Variants in DYNC2I1 observed in about 807,000 individuals in gnomAD.
DYNC2I1 encodes cytoplasmic dynein 2 intermediate chain 1.
In DYNC2I1, 89 loss-of-function variants were observed where a neutral mutation model predicts 133.4. The observed-to-expected ratio is 0.67, with a 90% CI of 0.56 to 0.80. The LOEUF (loss-of-function observed/expected upper bound fraction) is 0.80, where lower values mean the gene tolerates loss of function less well. Ranked by LOEUF, DYNC2I1 falls within the 30% of genes least tolerant of loss-of-function variation. The pLI is 0.00. For synonymous variants in DYNC2I1, 504 were observed against 484.3 expected (o/e 1.04, Z -0.54); for missense variants, 1,291 against 1,314.5 (o/e 0.98, Z 0.28).
chr7:158,856,621 T>G lies in DYNC2I1; in HGVS notation c.-115T>G. On this transcript the variant is annotated 5_prime_UTR_variant, in exon 1 of 25. Transcript: ENST00000407559. ...CCCTCTGCTGCTCCTGCTTGTCGGTTGCTAGGCGCTGGGACGCGCCTCCCG... is the reference window on the plus strand; with the variant it reads ...CCCTCTGCTGCTCCTGCTTGTCGGTGGCTAGGCGCTGGGACGCGCCTCCCG... 1 of 1,105,382 alleles carries G rather than the reference T, an allele frequency of 9.0e-7. No homozygotes were observed. The highest frequency in any genetic ancestry group is 1.1e-6 in the Non-Finnish European group (1 of 872,902). 68.5% of individuals were successfully genotyped at this position (1,105,382 alleles called of 1,614,324 possible).
chr7:158,901,307 A>G (rs1846232976), intron 8 of DYNC2I1, among the ~76,000 whole-genome samples: 2 of 152,076 alleles, frequency 1.3e-5, no homozygotes, highest in South Asian at 4.2e-4. Flanking sequence ...CCTGAGTTCA[A>G]GTAATCTGCC....
At chr7:158,949,312 G>T (rs545787283), downstream of DYNC2I1, among the ~76,000 whole-genome samples, 47 of 152,390 alleles carry the variant, frequency 3.1e-4, no homozygotes, top group African/African-American at 1.0e-3. Context: ...AGTTTATTTA[G>T]AATATCTGAG....
upstream of DYNC2I1, among the ~76,000 whole-genome samples, chr7:158,854,835 T>G (rs1357230902): frequency 3.3e-5 from 5 of 152,240 alleles, no homozygotes; most frequent in South Asian, 2.1e-4. Context: ...AGACTTAAGT[T>G]GCAGATCTAA....
chr7:158,891,747 A>C (rs1430338035), intron 8 of DYNC2I1, among the ~76,000 whole-genome samples: 2 of 152,230 alleles, frequency 1.3e-5, no homozygotes, highest in Non-Finnish European at 2.9e-5. Flanking sequence ...GAAATCACAA[A>C]AGACACGATC....
At chr7:158,955,183 G>A (rs527926269) in intron 4 of DYNC2I1, among the ~76,000 whole-genome samples, 141 of 152,356 alleles carry the variant, frequency 9.3e-4, no homozygotes, top group African/African-American at 3.2e-3. Flanking sequence ...GTTGGGGGAA[G>A]CATCCCTGGA....
chr7:158,877,204 G>A (rs914569148), intron 4 of DYNC2I1, among the ~76,000 whole-genome samples: 11 of 149,448 alleles, frequency 7.4e-5, no homozygotes, highest in Middle Eastern at 3.7e-3. Flanking sequence ...TCCGCGGTGC[G>A]GGTGTGTTGG....
chr7:158,948,675 A>T (rs1023722111), downstream of DYNC2I1, among the ~76,000 whole-genome samples: 1 of 152,146 alleles, frequency 6.6e-6, no homozygotes, highest in Non-Finnish European at 1.5e-5. Context: ...GCAGACTTTT[A>T]TTCCTGGAGG....
intron 4 of DYNC2I1, among the ~76,000 whole-genome samples, chr7:158,953,708 A>T (rs1176205602): frequency 6.6e-6 from 1 of 152,052 alleles, no homozygotes; most frequent in Non-Finnish European, 1.5e-5. Context: ...TAGCTTACAT[A>T]TGCGTGTGTG....
chr7:158,951,512 A>G (rs2129490318), intron 4 of DYNC2I1, among the ~76,000 whole-genome samples: 1 of 152,318 alleles, frequency 6.6e-6, no homozygotes, highest in South Asian at 2.1e-4. Context: ...GGCCACAAGG[A>G]GAGACTGGGC....
chr7:158,859,362 A>G (rs563106976), intron 1 of DYNC2I1, among the ~76,000 whole-genome samples: 10 of 152,032 alleles, frequency 6.6e-5, no homozygotes, highest in African/African-American at 2.4e-4. Context: ...TGTGAGTAAC[A>G]TTTTCTTTCT....
intron 20 of DYNC2I1, among the ~76,000 whole-genome samples, chr7:158,928,611 C>T (rs1394856249): frequency 1.3e-5 from 2 of 152,138 alleles, no homozygotes; most frequent in African/African-American, 2.4e-5. Flanking sequence ...ATTCTTTATG[C>T]GGCACCCTCT....
intron 13 of DYNC2I1, among the ~76,000 whole-genome samples, chr7:158,913,959 C>T (rs2527210): frequency 0.57 from 87,025 of 152,082 alleles, 25,805 homozygotes; most frequent in Non-Finnish European, 0.66. Context: ...ATCCACCTGC[C>T]TCGGCCACCC....
intron 5 of DYNC2I1, 81 bp from the exon 6 acceptor site, chr7:158,884,480 CTTG>C: frequency 7.7e-7 from 1 of 1,305,142 alleles, no homozygotes; most frequent in Non-Finnish European, 1.1e-6. Flanking sequence ...TGAATCTGTG[CTTG>C]TTTTGTGGGG....
chr7:158,839,277 A>G, the DYNC2I1 span, among the ~76,000 whole-genome samples: 2,326 of 133,214 alleles, frequency 0.017, 182 homozygotes, highest in African/African-American at 0.062. Context: ...ATATGACTCC[A>G]TAACAGCTGA....
intron 6 of DYNC2I1, among the ~76,000 whole-genome samples, chr7:158,886,429 C>T (rs565150719): frequency 3.3e-5 from 5 of 151,898 alleles, no homozygotes; most frequent in South Asian, 2.1e-4. Context: ...CCACTGCGCC[C>T]GGCCGAGAAC....
chr7:158,878,120 G>A (rs1482742576), intron 4 of DYNC2I1, among the ~76,000 whole-genome samples: 31 of 138,538 alleles, frequency 2.2e-4, no homozygotes, highest in African/African-American at 7.6e-4. Context: ...GTGGGGAGGC[G>A]AGGAGGGGAG....
chr7:158,946,460 C>G (rs1011288200), downstream of DYNC2I1, among the ~76,000 whole-genome samples: 3 of 152,250 alleles, frequency 2.0e-5, no homozygotes, highest in East Asian at 1.9e-4. Context: ...AATTCAGCAT[C>G]AAGGCGCCCC....
chr7:158,917,812 C>G (rs1450625176), intron 14 of DYNC2I1, among the ~76,000 whole-genome samples: 1 of 152,194 alleles, frequency 6.6e-6, no homozygotes, highest in African/African-American at 2.4e-5. Context: ...CACTCTCTTC[C>G]TGTCAGTTCT....
chr7:158,941,944 G>C lies in DYNC2I1; in HGVS notation c.2798G>C (p.Ser933Thr), dbSNP rs542286392. The change falls in exon 24 of 25, where the codon AGC becomes ACC. Residue 933 changes from serine (S) to threonine (T), a missense_variant. Coordinates refer to ENST00000407559, the MANE Select transcript of DYNC2I1 (RefSeq NM_018051.5). ...TCATAGGCCGGCTGTTCGGACGGAAGCATCAGGCTGCACCAGCTGAGCTCC... is the reference window on the plus strand; with the variant it reads ...TCATAGGCCGGCTGTTCGGACGGAACCATCAGGCTGCACCAGCTGAGCTCC... Reference protein sequence around the residue: ...PIFLAGCSDGSIRLHQLSSAF... With the variant: ...PIFLAGCSDGTIRLHQLSSAF... 6.2e-7 allele frequency: 1 copy of C among 1,608,660 alleles called. No individual in the cohort carries two copies. Among genetic ancestry groups the C allele is most frequent in the South Asian group, 1.1e-5 (1 of 90,270 alleles).
Sources: gnomAD v4.1 joint callset for allele counts (sites outside exome capture counted in the v4.1 genomes callset) on GRCh38, gnomAD v4.1.1 for gene constraint, MANE v1.5 for transcripts, NCBI Gene and HGNC (gene_info 2026-07-23, HGNC 2026-07-21) for gene names.